NEDD4L: variants seen among roughly 807,000 people sequenced by gnomAD.
NEDD4L encodes E3 ubiquitin-protein ligase NEDD4-like.
In NEDD4L, 54 loss-of-function variants were observed where a neutral mutation model predicts 148.9. The ratio of observed to expected loss-of-function variants is 0.36; its 90% CI spans 0.29 to 0.45. The LOEUF (loss-of-function observed/expected upper bound fraction) is 0.45, where lower values mean the gene tolerates loss of function less well. NEDD4L is among the 20% of genes least tolerant of loss of function. NEDD4L has a pLI of 1.00. For missense variants in NEDD4L, 856 were observed against 1,233.8 expected (o/e 0.69, Z 4.59); for synonymous variants, 433 against 440.7 (o/e 0.98, Z 0.22).
At position 58,184,794 on chromosome 18, in the gene NEDD4L, G is replaced by A. The variant is rs186133030; in HGVS notation, c.122+18933G>A. ...ATACAAAAAATTAGCTGGGCATGGC[G>A]GCGGGCGCCTGTAGTCCCAGCTACT... On this transcript the variant is annotated intron_variant, in intron 2 of 30. Transcript: ENST00000400345. 2.1e-3 allele frequency among the ~76,000 whole-genome samples: 324 copies of A among 152,244 alleles called. 2 individuals carry two copies. Among genetic ancestry groups the A allele is most frequent in the Non-Finnish European group, 5.6e-4 (38 of 68,008 alleles).
intron 1 of NEDD4L, among the ~76,000 whole-genome samples, chr18:58,140,452 G>A (rs752433441): frequency 7.2e-5 from 11 of 151,988 alleles, no homozygotes; most frequent in Non-Finnish European, 1.6e-4. Flanking sequence ...TTCCTTCATA[G>A]TAATCAGTGG....
intron 1 of NEDD4L, among the ~76,000 whole-genome samples, chr18:58,132,335 G>A (rs1380344146): frequency 6.6e-6 from 1 of 152,188 alleles, no homozygotes; most frequent in Non-Finnish European, 1.5e-5. Context: ...ATGTGGGGCT[G>A]CCACACAGGA....
intron 13 of NEDD4L, 154 bp downstream of exon 13, chr18:58,335,691 G>T (rs2041657218): frequency 4.7e-6 from 3 of 644,402 alleles, no homozygotes; most frequent in South Asian, 3.6e-5. Flanking sequence ...TTCTCATTTG[G>T]GGATTGTTTA....
At chr18:58,320,861 A>G (rs2058711305) in intron 6 of NEDD4L, among the ~76,000 whole-genome samples, 1 of 152,082 alleles carries the variant, frequency 6.6e-6, no homozygotes, top group Admixed American at 6.6e-5. Flanking sequence ...AGGAAGGAAA[A>G]CCAGCAATAG....
chr18:58,086,613 C>T (rs2083772814), intron 1 of NEDD4L, among the ~76,000 whole-genome samples: 1 of 152,098 alleles, frequency 6.6e-6, no homozygotes, highest in South Asian at 2.1e-4. Context: ...GGTAACATGC[C>T]CGATACATTT....
intron 1 of NEDD4L, chr18:58,045,404 T>C (rs1356487361): frequency 2.7e-6 from 1 of 369,652 alleles, no homozygotes; most frequent in Non-Finnish European, 4.8e-6. Flanking sequence ...GCCCGGCACC[T>C]CCAGGGTGGG....
At chr18:58,248,199 T>G (rs2047507711) in intron 3 of NEDD4L, among the ~76,000 whole-genome samples, 1 of 152,196 alleles carries the variant, frequency 6.6e-6, no homozygotes, top group African/African-American at 2.4e-5. Flanking sequence ...TGCTTCCTCT[T>G]AGTTTTGGGG....
At chr18:58,177,163 G>A (rs112852208) in intron 2 of NEDD4L, among the ~76,000 whole-genome samples, 138 of 151,966 alleles carry the variant, frequency 9.1e-4, no homozygotes, top group African/African-American at 3.2e-3. Flanking sequence ...TTTATCTTCC[G>A]CTGTCTTTGC....
chr18:58,101,895 A>G (rs908014568), intron 1 of NEDD4L, among the ~76,000 whole-genome samples: 1 of 152,162 alleles, frequency 6.6e-6, no homozygotes, highest in African/African-American at 2.4e-5. Context: ...TCATGATGAC[A>G]TGAATGGGGG....
At chr18:58,323,929 G>A (rs1230551996) in intron 8 of NEDD4L, among the ~76,000 whole-genome samples, 1 of 152,082 alleles carries the variant, frequency 6.6e-6, no homozygotes, top group Admixed American at 6.5e-5. Context: ...GTTTTGTTAG[G>A]CAAATTCTCA....
At chr18:58,121,331 G>C (rs909469992) in intron 1 of NEDD4L, among the ~76,000 whole-genome samples, 1 of 152,146 alleles carries the variant, frequency 6.6e-6, no homozygotes, top group Non-Finnish European at 1.5e-5. Context: ...ACAGAATTCA[G>C]TGAGATAGAT....
chr18:58,194,320 T>C (rs2040431530), intron 2 of NEDD4L, among the ~76,000 whole-genome samples: 1 of 152,226 alleles, frequency 6.6e-6, no homozygotes, highest in Non-Finnish European at 1.5e-5. Flanking sequence ...CCCCCTCCCA[T>C]GGACATTCAC....
At chr18:58,049,702 G>T (rs1202866145) in intron 1 of NEDD4L, among the ~76,000 whole-genome samples, 1 of 152,110 alleles carries the variant, frequency 6.6e-6, no homozygotes, top group African/African-American at 2.4e-5. Context: ...TAGGGACCGG[G>T]TGCAGTGATC....
intron 2 of NEDD4L, among the ~76,000 whole-genome samples, chr18:58,216,740 G>T (rs1345318070): frequency 6.6e-6 from 1 of 152,138 alleles, no homozygotes; most frequent in African/African-American, 2.4e-5. Context: ...ATCTCCAAGT[G>T]GATGTGTGAA....
At chr18:58,295,161 G>A (rs1021612023) in intron 5 of NEDD4L, among the ~76,000 whole-genome samples, 1 of 152,176 alleles carries the variant, frequency 6.6e-6, no homozygotes, top group African/African-American at 2.4e-5. Flanking sequence ...TCTTGGTGTT[G>A]TACATGCTGT....
chr18:58,123,452 C>G (rs556899249), intron 1 of NEDD4L, among the ~76,000 whole-genome samples: 30 of 152,290 alleles, frequency 2.0e-4, no homozygotes, highest in African/African-American at 7.2e-4. Context: ...CCTCAGGGGA[C>G]TTTGCTGTAG....
At chr18:58,119,154 C>G (rs895643045) in intron 1 of NEDD4L, among the ~76,000 whole-genome samples, 11 of 152,198 alleles carry the variant, frequency 7.2e-5, no homozygotes, top group Non-Finnish European at 1.6e-4. Context: ...GCAGTCTGCC[C>G]TCTCCAACCT....
intron 1 of NEDD4L, among the ~76,000 whole-genome samples, chr18:58,161,988 A>G (rs2036275521): frequency 6.6e-6 from 1 of 152,182 alleles, no homozygotes. Flanking sequence ...TCTGTGGAAT[A>G]GCTAGCATGT....
rs946189560 is a variant in NEDD4L at position 58,387,611 on chromosome 18, T to C, written c.2547+113T>C. ...TCCATAATGTCCTAGAGAGTAACTT[T>C]AGATGAATTATATTACATGTCTCTT... On this transcript the variant is annotated intron_variant, in intron 27 of 30. Transcript: ENST00000400345. The C allele has an allele frequency of 4.3e-6, 5 of 1,165,160 alleles. No homozygotes were observed. In the African/African-American group the frequency reaches 8.0e-5, roughly 19 times the overall value. The allele number at this position is 1,165,160 out of a possible 1,614,324, so 72.2% of individuals were successfully genotyped here.
Sources: allele counts gnomAD v4.1 joint callset (sites outside exome capture counted in the v4.1 genomes callset), GRCh38; gene constraint gnomAD v4.1.1; transcripts MANE v1.5; gene names NCBI Gene and HGNC (gene_info 2026-07-23, HGNC 2026-07-21).